The following GNB1L variants were observed in gnomAD, a reference collection of about 807,000 sequenced individuals.
GNB1L encodes guanine nucleotide-binding protein subunit beta-like protein 1.
Under a neutral mutation model 29.1 loss-of-function variants are expected in GNB1L, and 20 were observed. The ratio of observed to expected loss-of-function variants is 0.69; its 90% CI spans 0.48 to 1.00. GNB1L has a LOEUF of 1.00. Among genes scored for constraint, GNB1L ranks in the 50% least tolerant of loss-of-function variants. GNB1L has a pLI of 0.00. For missense variants in GNB1L, 421 were observed against 464.9 expected, an observed-to-expected ratio of 0.91 and a Z score of 0.87; for synonymous variants, 193 against 206.5, an observed-to-expected ratio of 0.93 and a Z score of 0.56.
intron 2 of GNB1L, chr22:19,852,096 C>CG: frequency 1.9e-6 from 3 of 1,614,244 alleles, no homozygotes; most frequent in Non-Finnish European, 1.7e-6. Flanking sequence ...CGCACACACA[C>CG]GGTGTCCCCA....
chr22:19,829,130 C>T (rs1001801148), intron 2 of GNB1L, among the ~76,000 whole-genome samples: 2 of 152,170 alleles, frequency 1.3e-5, no homozygotes, highest in Non-Finnish European at 2.9e-5. Context: ...CCGTGCCCGG[C>T]CATAACATAC....
Position 19,788,219 on chromosome 22 carries a change from T to G in GNB1L, c.*490A>C. ...CTGGCCTCCTCGGGGTGAGGGGTCA[T>G]GTGGACATCGACGCAGCTATGGTTG... is the stretch of plus-strand genomic sequence containing the variant. On this transcript the variant is annotated 3_prime_UTR_variant, in exon 8 of 8. Coordinates refer to ENST00000329517, the MANE Select transcript of GNB1L (RefSeq NM_053004.3). 1 of 291,056 alleles carries G rather than the reference T, an allele frequency of 3.4e-6. No individual in the cohort carries two copies. The highest frequency in any genetic ancestry group is 6.5e-6 in the Non-Finnish European group (1 of 154,880). 18.0% of individuals were successfully genotyped at this position (291,056 alleles called of 1,614,324 possible). A position where few individuals can be genotyped will look rare whatever the true frequency, so the allele number is the denominator to read the frequency against.
rs540140923 is a variant in GNB1L, at chr22:19,821,900, G to A, written c.-20-525C>T. 2.6e-5 allele frequency among the ~76,000 whole-genome samples: 4 copies of A among 152,224 alleles called. No homozygotes were observed. In the East Asian group the frequency reaches 5.8e-4, roughly 22 times the overall value. ...CTGCCACTGGGCTTGGCTGAGTCCC[G>A]CCCTCTGTCCAGGGCTCACTCCAGT... On this transcript the variant is annotated intron_variant, in intron 2 of 7. Transcript: ENST00000329517.
intron 7 of GNB1L, among the ~76,000 whole-genome samples, chr22:19,789,571 TG>T: frequency 6.9e-6 from 1 of 145,256 alleles, no homozygotes; most frequent in Non-Finnish European, 1.5e-5. Context: ...CCTTGCCTGG[TG>T]GGGGCAACGT....
chr22:19,847,273 G>A, intron 2 of GNB1L: 1 of 984,642 alleles, frequency 1.0e-6, no homozygotes, highest in Non-Finnish European at 1.2e-6. Context: ...TGTAGCCGCT[G>A]CGCTGTTGGA....
intron 5 of GNB1L, among the ~76,000 whole-genome samples, chr22:19,811,894 C>T (rs369686866): frequency 3.3e-5 from 5 of 152,132 alleles, no homozygotes; most frequent in Non-Finnish European, 7.4e-5. Context: ...TGCCCCGGAG[C>T]GTTCCTCCCA....
At chr22:19,846,531 G>C (rs1399963141) in intron 2 of GNB1L, 12 of 985,382 alleles carry the variant, frequency 1.2e-5, no homozygotes, top group Non-Finnish European at 1.4e-5. Flanking sequence ...GCGCTGCCAG[G>C]AACAGCAAAG....
intron 2 of GNB1L, among the ~76,000 whole-genome samples, chr22:19,834,896 A>AT (rs1452861801): frequency 6.6e-6 from 1 of 152,226 alleles, no homozygotes; most frequent in African/African-American, 2.4e-5. Context: ...TGCTAATTAT[A>AT]AGACCCAACT....
rs1937185111 is a variant in GNB1L at position 19,785,534 on chromosome 22, C to G, written c.*3175G>C. ...GTTCTCTCTGGCTTGAGAGGCCTCA[C>G]TGCTACCCAAGAGCATTATGGAGGA... On this transcript the variant is annotated 3_prime_UTR_variant, in exon 8 of 8. Coordinates refer to ENST00000329517, the MANE Select transcript of GNB1L (RefSeq NM_053004.3). This position sits in a 1 kb window ranked among gnomAD's most constrained non-coding sequence, Gnocchi z 4.1. The G allele has an allele frequency of 6.6e-6, 1 of 152,240 alleles. No homozygotes were observed. The highest frequency in any genetic ancestry group is 2.4e-5 in the African/African-American group (1 of 41,452). The allele number at this position is 152,240 out of a possible 1,614,324, so 9.4% of individuals were successfully genotyped here.
chr22:19,851,397 A>T (rs1258169876), intron 2 of GNB1L: 6 of 1,613,908 alleles, frequency 3.7e-6, no homozygotes, highest in East Asian at 2.2e-5. Context: ...GGCTGGGAAG[A>T]GGCTGGTTCC....
intron 2 of GNB1L, chr22:19,851,535 C>A (rs1938098588): frequency 6.2e-7 from 1 of 1,613,700 alleles, no homozygotes; most frequent in African/African-American, 1.3e-5. Context: ...GACCCAGACA[C>A]AGCAGGGGTG....
At chr22:19,802,785 T>G (rs12485220) in intron 6 of GNB1L, among the ~76,000 whole-genome samples, 17,893 of 152,314 alleles carry the variant, frequency 0.12, 1,731 homozygotes, top group East Asian at 0.48. Flanking sequence ...CCGAAGCCCC[T>G]GCCCCTGAAG....
chr22:19,840,085 T>A (rs938377820), intron 2 of GNB1L, among the ~76,000 whole-genome samples: 2 of 151,412 alleles, frequency 1.3e-5, no homozygotes, highest in Non-Finnish European at 2.9e-5. Context: ...AAGTATACTA[T>A]GATAAAAGTT....
intron 2 of GNB1L, among the ~76,000 whole-genome samples, chr22:19,832,047 A>G (rs945748975): frequency 6.6e-6 from 1 of 152,136 alleles, no homozygotes; most frequent in African/African-American, 2.4e-5. Context: ...CAACTACCTA[A>G]GGCTGGGCAC....
chr22:19,797,962 C>T (rs145768701), intron 7 of GNB1L, among the ~76,000 whole-genome samples: 1,805 of 152,324 alleles, frequency 0.012, 15 homozygotes, highest in Non-Finnish European at 0.019. Context: ...GGGGTCTCGG[C>T]GGTATCCTGC....
intron 2 of GNB1L, chr22:19,852,442 G>A: frequency 1.6e-6 from 1 of 635,858 alleles, no homozygotes; most frequent in Non-Finnish European, 2.8e-6. Flanking sequence ...GGAGAGCTGA[G>A]AAGAGCTGAG....
rs370967124 is a variant in GNB1L, at chr22:19,843,000, G to A, written c.-21+11443C>T. Among the ~76,000 whole-genome samples the A allele has an allele frequency of 3.9e-5, 6 of 152,184 alleles. No individual in the cohort carries two copies. The East Asian group carries it at 5.8e-4, about 15-fold the overall frequency. On this transcript the variant is annotated intron_variant, in intron 2 of 7. Coordinates refer to ENST00000329517, the MANE Select transcript of GNB1L (RefSeq NM_053004.3). Reference sequence around the variant, plus strand: ...GGAATGGGGCTCCGTTTGGCGATTCGGAGTCAAAGGCGCACTTCATAGCTC... The same window carrying A: ...GGAATGGGGCTCCGTTTGGCGATTCAGAGTCAAAGGCGCACTTCATAGCTC...
intron 3 of GNB1L, 100 bp from the exon 4 acceptor site, chr22:19,820,823 G>C (rs1196773434): frequency 4.3e-6 from 6 of 1,379,748 alleles, no homozygotes; most frequent in East Asian, 2.3e-5. Context: ...GGGCATCTAG[G>C]CTGGTTGAGC....
intron 7 of GNB1L, among the ~76,000 whole-genome samples, chr22:19,796,459 C>T (rs1422428959): frequency 4.6e-5 from 7 of 152,256 alleles, no homozygotes; most frequent in South Asian, 2.1e-4. Flanking sequence ...TGGACGGCCC[C>T]GCATTTCAAA....
Sources: gnomAD v4.1 joint callset for allele counts (sites outside exome capture counted in the v4.1 genomes callset) on GRCh38, gnomAD v4.1.1 for gene constraint, Gnocchi (gnomAD v3.1) non-coding constraint, MANE v1.5 for transcripts, NCBI Gene and HGNC (gene_info 2026-07-23, HGNC 2026-07-21) for gene names.